The following UNC13C variants were observed in gnomAD, a reference collection of about 807,000 sequenced individuals.
The protein encoded by UNC13C is unc-13 homolog C, also known as protein unc-13 homolog C.
Under a neutral mutation model 245.4 loss-of-function variants are expected in UNC13C, and 174 were observed. The ratio of observed to expected loss-of-function variants is 0.71; its 90% CI spans 0.63 to 0.80. The LOEUF (loss-of-function observed/expected upper bound fraction) is 0.80, where lower values mean the gene tolerates loss of function less well. Ranked by LOEUF, UNC13C falls within the 30% of genes least tolerant of loss-of-function variation. UNC13C has a pLI of 0.00. For synonymous variants in UNC13C, 992 were observed against 895.1 expected, an observed-to-expected ratio of 1.11 and a Z score of -1.93; for missense variants, 2,829 against 2,602.9, an observed-to-expected ratio of 1.09 and a Z score of -1.89.
chr15:54,320,841 C>A, intron 13 of UNC13C: 2 of 314,954 alleles, frequency 6.4e-6, no homozygotes, highest in Non-Finnish European at 6.2e-6. Flanking sequence ...GCTTCTGCCT[C>A]CAAAGTTTCT....
chr15:54,418,410 G>A (rs1314692332), intron 19 of UNC13C, among the ~76,000 whole-genome samples: 9 of 152,110 alleles, frequency 5.9e-5, no homozygotes, highest in East Asian at 3.9e-4. Context: ...GAGAATAGAC[G>A]TTGAGAAGCA....
At chr15:54,492,769 A>G (rs1049163538) in intron 19 of UNC13C, among the ~76,000 whole-genome samples, 2 of 152,204 alleles carry the variant, frequency 1.3e-5, no homozygotes, top group African/African-American at 4.8e-5. Context: ...CCAGAGCACA[A>G]ATTTCTCCCC....
intron 28 of UNC13C, among the ~76,000 whole-genome samples, chr15:54,553,076 GTATTCTATATTACAATATAT>G (rs1596558897): frequency 1.2e-5 from 1 of 83,610 alleles, no homozygotes; most frequent in East Asian, 3.5e-4. Context: ...AATATATATT[GTATTCTATATTACAATATAT>G]AATATATATT....
intron 14 of UNC13C, among the ~76,000 whole-genome samples, chr15:54,328,551 T>C (rs1273764008): frequency 6.6e-6 from 1 of 152,084 alleles, no homozygotes; most frequent in Non-Finnish European, 1.5e-5. Flanking sequence ...TCTGGTTAAA[T>C]TCATCCCTGC....
chr15:54,494,825 ACATAATCTT>A (rs1239093889), intron 20 of UNC13C, 91 bp downstream of exon 20: 2 of 1,433,078 alleles, frequency 1.4e-6, no homozygotes, highest in African/African-American at 1.5e-5. Flanking sequence ...AAATCTCTTC[ACATAATCTT>A]CATTGGAATG....
At chr15:54,051,074 A>G (rs1464384411) in intron 2 of UNC13C, among the ~76,000 whole-genome samples, 1 of 152,076 alleles carries the variant, frequency 6.6e-6, no homozygotes, top group Non-Finnish European at 1.5e-5. Context: ...CCAGATTTTT[A>G]TACTCTTTTA....
intron 28 of UNC13C, among the ~76,000 whole-genome samples, chr15:54,553,228 T>A (rs1464175139): frequency 6.8e-5 from 8 of 116,828 alleles, no homozygotes; most frequent in African/African-American, 2.7e-4. Flanking sequence ...TATTATATAT[T>A]GTATTCTATA....
At chr15:54,197,066 A>G (rs2034376555) in intron 4 of UNC13C, among the ~76,000 whole-genome samples, 3 of 152,186 alleles carry the variant, frequency 2.0e-5, no homozygotes, top group South Asian at 2.1e-4. Flanking sequence ...ATAATAATTA[A>G]AAAGAAAAAT....
chr15:53,913,699 T>A, the UNC13C span: 1 of 152,234 alleles, frequency 6.6e-6, no homozygotes, highest in African/African-American at 2.4e-5. Context: ...AGCAGTAGAG[T>A]TACAGGAAGT....
the UNC13C span, among the ~76,000 whole-genome samples, chr15:53,958,343 G>A: frequency 6.6e-6 from 1 of 152,178 alleles, no homozygotes; most frequent in African/African-American, 2.4e-5. Context: ...GCCTAATTTA[G>A]ATCATTCTTT....
At chr15:54,365,710 C>A (rs571262839) in intron 17 of UNC13C, among the ~76,000 whole-genome samples, 197 of 149,770 alleles carry the variant, frequency 1.3e-3, no homozygotes, top group African/African-American at 4.7e-3. Context: ...CCTTATATGA[C>A]AAATGTCCTA....
chr15:54,073,066 G>A (rs7164599), intron 2 of UNC13C, among the ~76,000 whole-genome samples: 457 of 151,960 alleles, frequency 3.0e-3, no homozygotes, highest in African/African-American at 0.011. Flanking sequence ...GGTATGTGAT[G>A]TTCCCCTCCC....
At chr15:54,625,735 C>T (rs540005075) in intron 32 of UNC13C, among the ~76,000 whole-genome samples, 1 of 151,988 alleles carries the variant, frequency 6.6e-6, no homozygotes, top group African/African-American at 2.4e-5. Context: ...CCTACTCTAT[C>T]AAAAGGGTCC....
intron 26 of UNC13C, among the ~76,000 whole-genome samples, chr15:54,540,154 TA>T (rs1341735139): frequency 7.9e-5 from 12 of 151,970 alleles, no homozygotes; most frequent in Admixed American, 6.6e-4. Context: ...GGAGGAGAAA[TA>T]AGAAAGGAAT....
chr15:53,902,124 G>A, the UNC13C span, among the ~76,000 whole-genome samples: 1 of 151,748 alleles, frequency 6.6e-6, no homozygotes, highest in Non-Finnish European at 1.5e-5. Flanking sequence ...CTACTCTTTT[G>A]GTTCTTTCCT....
intron 2 of UNC13C, among the ~76,000 whole-genome samples, chr15:54,035,366 G>A (rs1270821392): frequency 6.7e-6 from 1 of 149,518 alleles, no homozygotes; most frequent in Non-Finnish European, 1.5e-5. Flanking sequence ...ATTTTTTTTT[G>A]TTCTTTCTAA....
intron 22 of UNC13C, among the ~76,000 whole-genome samples, chr15:54,506,194 C>T (rs139971283): frequency 1.2e-4 from 19 of 152,198 alleles, no homozygotes; most frequent in Middle Eastern, 3.4e-3. Context: ...TGAGTTACAA[C>T]GATTGCCTAA....
the UNC13C span, among the ~76,000 whole-genome samples, chr15:53,917,872 C>T: frequency 3.3e-5 from 5 of 151,964 alleles, no homozygotes; most frequent in Admixed American, 6.6e-5. Context: ...TTTTTTTGCC[C>T]TTCCTAAATT....
intron 2 of UNC13C, among the ~76,000 whole-genome samples, chr15:54,134,418 ATC>A (rs1399506107): frequency 2.9e-5 from 2 of 69,926 alleles, no homozygotes; most frequent in East Asian, 4.3e-4. Context: ...CTAAATAATC[ATC>A]TGTGTGTGTG....
Sources: allele counts gnomAD v4.1 joint callset (sites outside exome capture counted in the v4.1 genomes callset), GRCh38; gene constraint gnomAD v4.1.1; transcripts MANE v1.5; gene names NCBI Gene and HGNC (gene_info 2026-07-23, HGNC 2026-07-21).